Variants in KCNQ5 observed in about 807,000 individuals in gnomAD.
KCNQ5 encodes the protein potassium voltage-gated channel subfamily Q member 5.
KCNQ5 carries 30 observed loss-of-function variants against 98.2 expected under a neutral mutation model. The observed-to-expected ratio is 0.31, with a 90% CI of 0.23 to 0.41. The LOEUF (loss-of-function observed/expected upper bound fraction) is 0.41, where lower values mean the gene tolerates loss of function less well. Among genes scored for constraint, KCNQ5 ranks in the 10% least tolerant of loss-of-function variants. The pLI, the probability that KCNQ5 is intolerant of heterozygous loss-of-function variation, is 1.00. For missense variants in KCNQ5, 835 were observed against 1,182.5 expected (o/e 0.71, Z 4.31); for synonymous variants, 458 against 449.4 (o/e 1.02, Z -0.24).
At chr6:72,793,393 T>C (rs966738087) in intron 1 of KCNQ5, among the ~76,000 whole-genome samples, 9 of 152,198 alleles carry the variant, frequency 5.9e-5, no homozygotes, top group Non-Finnish European at 2.9e-5. Flanking sequence ...CCCATATTAT[T>C]ATACATTTGC....
intron 10 of KCNQ5, among the ~76,000 whole-genome samples, chr6:73,168,475 G>A (rs1037408738): frequency 3.2e-4 from 49 of 152,190 alleles, no homozygotes; most frequent in African/African-American, 1.0e-3. Flanking sequence ...GGCCAAGGCA[G>A]ACGGGTCACT....
chr6:72,785,651 A>G (rs200659437), intron 1 of KCNQ5, among the ~76,000 whole-genome samples: 1 of 10,990 alleles, frequency 9.1e-5, no homozygotes, highest in Non-Finnish European at 1.4e-4. Context: ...ACTCCATCTC[A>G]AAAAAAAAAA....
chr6:73,002,669 C>G (rs1300088399), intron 1 of KCNQ5, among the ~76,000 whole-genome samples: 5 of 152,144 alleles, frequency 3.3e-5, no homozygotes, highest in Admixed American at 2.6e-4. Context: ...CAGGGGTCAA[C>G]AAACATTTCT....
chr6:72,764,308 T>G (rs1561968291), intron 1 of KCNQ5, among the ~76,000 whole-genome samples: 1 of 152,100 alleles, frequency 6.6e-6, no homozygotes, highest in East Asian at 1.9e-4. Flanking sequence ...TATATTCCCC[T>G]AACCCACTAG....
chr6:72,939,798 G>A (rs1215235153), intron 1 of KCNQ5, among the ~76,000 whole-genome samples: 1 of 152,136 alleles, frequency 6.6e-6, no homozygotes, highest in African/African-American at 2.4e-5. Context: ...CTGGTATTTG[G>A]CCCCTGGCTG....
rs941205197 is a variant in KCNQ5, at chr6:72,687,173, T to C, written c.398+64586T>C. Among the ~76,000 whole-genome samples, 6 of 152,232 alleles carry C rather than the reference T, an allele frequency of 3.9e-5. No homozygotes were observed. In the East Asian group the frequency reaches 1.2e-3, roughly 29 times the overall value. On this transcript the variant is annotated intron_variant, in intron 1 of 13. Transcript: ENST00000370398. ...TCAATACCAAGATCCTCCAAGGCTG[T>C]ATATGAAGCGTTACTGAATACTTAA...
intron 1 of KCNQ5, among the ~76,000 whole-genome samples, chr6:72,704,178 C>T (rs1166134830): frequency 6.6e-6 from 1 of 152,124 alleles, no homozygotes; most frequent in Admixed American, 6.5e-5. Context: ...TGGGCAAGGT[C>T]ATTTCCTATT....
intron 5 of KCNQ5, among the ~76,000 whole-genome samples, chr6:73,097,494 A>C (rs1301561797): frequency 6.6e-6 from 1 of 152,208 alleles, no homozygotes; most frequent in Non-Finnish European, 1.5e-5. Context: ...TATACTCCAC[A>C]GTGAAAAATT....
At chr6:72,831,443 G>A (rs183639940) in intron 1 of KCNQ5, among the ~76,000 whole-genome samples, 40 of 152,184 alleles carry the variant, frequency 2.6e-4, no homozygotes, top group Admixed American at 1.5e-3. Context: ...GCTGGATGAA[G>A]CTGGAAACCA....
intron 1 of KCNQ5, among the ~76,000 whole-genome samples, chr6:72,647,229 C>T (rs952756698): frequency 3.3e-5 from 5 of 152,024 alleles, no homozygotes; most frequent in African/African-American, 9.7e-5. Flanking sequence ...GTGTCCTTGC[C>T]GTGTAGGCAG....
At chr6:73,193,795 AGAG>A (rs1173420282) in intron 13 of KCNQ5, among the ~76,000 whole-genome samples, 2 of 151,188 alleles carry the variant, frequency 1.3e-5, no homozygotes, top group East Asian at 3.9e-4. Context: ...ATGTCTTCAT[AGAG>A]GAGACTTAGG....
intron 1 of KCNQ5, among the ~76,000 whole-genome samples, chr6:72,892,874 C>T (rs1202380419): frequency 6.6e-6 from 1 of 151,862 alleles, no homozygotes; most frequent in East Asian, 1.9e-4. Context: ...AAGTATACTG[C>T]CCATAACAAA....
chr6:72,697,940 G>A (rs1485786482), intron 1 of KCNQ5, among the ~76,000 whole-genome samples: 1 of 152,108 alleles, frequency 6.6e-6, no homozygotes, highest in Non-Finnish European at 1.5e-5. Context: ...TATCAACTGG[G>A]GACGGTGGCT....
At position 72,835,699 on chromosome 6, in the gene KCNQ5, C is replaced by T. The variant is rs544109319; in HGVS notation, c.399-168209C>T. ...TTTTATAATTATACAGATAAGAACA[C>T]TGAGGTGTAGAGAGATTAAGGAATT... On this transcript the variant is annotated intron_variant, in intron 1 of 13. Transcript: ENST00000370398. 3.9e-5 allele frequency among the ~76,000 whole-genome samples: 6 copies of T among 152,264 alleles called. No homozygotes were observed. In the South Asian group the frequency reaches 1.2e-3, roughly 32 times the overall value.
At chr6:73,100,611 G>T (rs778863826) in intron 5 of KCNQ5, among the ~76,000 whole-genome samples, 9 of 151,762 alleles carry the variant, frequency 5.9e-5, no homozygotes, top group Admixed American at 1.3e-4. Context: ...GGAGCTTGCA[G>T]TGAGCCCAGA....
chr6:73,054,378 C>T (rs993283511), intron 3 of KCNQ5, among the ~76,000 whole-genome samples: 8 of 152,056 alleles, frequency 5.3e-5, no homozygotes, highest in African/African-American at 1.9e-4. Context: ...CTGGCAGGGA[C>T]ACAACAACAA....
At chr6:72,659,881 G>T (rs1164381963) in intron 1 of KCNQ5, among the ~76,000 whole-genome samples, 2 of 152,068 alleles carry the variant, frequency 1.3e-5, no homozygotes, top group African/African-American at 4.8e-5. Context: ...TTTCGAAAAT[G>T]CCATGTCCAA....
chr6:73,195,542 G>C lies in KCNQ5; in HGVS notation c.*128G>C. The C allele has an allele frequency of 8.3e-7, 1 of 1,203,156 alleles. No homozygotes were observed. The highest frequency in any genetic ancestry group is 1.5e-5 in the South Asian group (1 of 66,768). The allele number at this position is 1,203,156 out of a possible 1,614,324, so 74.5% of individuals were successfully genotyped here. A position where few individuals can be genotyped will look rare whatever the true frequency, so the allele number is the denominator to read the frequency against. ...GAAGAACATGAAAGGCAGTTTATAA[G>C]CCCGTTACCTTTTAATTGCATGAAA... is the stretch of plus-strand genomic sequence containing the variant. On this transcript the variant is annotated 3_prime_UTR_variant, in exon 14 of 14. Transcript: ENST00000370398.
At chr6:73,185,899 G>T (rs78174004) in intron 11 of KCNQ5, among the ~76,000 whole-genome samples, 4,730 of 152,242 alleles carry the variant, frequency 0.031, 110 homozygotes, top group East Asian at 0.11. Context: ...TAATGACAGG[G>T]TCATCATTCT....
Sources: allele counts gnomAD v4.1 joint callset (sites outside exome capture counted in the v4.1 genomes callset), GRCh38; gene constraint gnomAD v4.1.1; transcripts MANE v1.5; gene names NCBI Gene and HGNC (gene_info 2026-07-23, HGNC 2026-07-21).